Variants in TTBK2 observed in about 807,000 individuals in gnomAD.
TTBK2 encodes the protein tau-tubulin kinase 2.
In TTBK2, 28 loss-of-function variants were observed where a neutral mutation model predicts 110.8. The ratio of observed to expected loss-of-function variants is 0.25; its 90% CI spans 0.19 to 0.35. TTBK2 has a LOEUF of 0.35. Among genes scored for constraint, TTBK2 ranks in the 10% least tolerant of loss-of-function variants. The pLI, the probability that TTBK2 is intolerant of heterozygous loss-of-function variation, is 1.00. For missense variants in TTBK2, 1,369 were observed against 1,500.3 expected (o/e 0.91, Z 1.45); for synonymous variants, 532 against 527.3 (o/e 1.01, Z -0.12).
rs879921528 is a variant in TTBK2, at chr15:42,742,917, A to G, written c.*2878T>C. ...AAACACAACCAAACCAAATCAAACC[A>G]AAAACCTCATTCTCTGTATCATACT... On this transcript the variant is annotated 3_prime_UTR_variant, in exon 15 of 15. Coordinates refer to ENST00000267890, the MANE Select transcript of TTBK2 (RefSeq NM_173500.4). 10 of 152,186 alleles carry G rather than the reference A, an allele frequency of 6.6e-5. No individual in the cohort carries two copies. The highest frequency in any genetic ancestry group is 1.0e-4 in the Non-Finnish European group (7 of 68,030). 9.4% of individuals were successfully genotyped at this position (152,186 alleles called of 1,614,324 possible).
Position 42,753,203 on chromosome 15 carries a change from T to G in TTBK2, c.2043A>C (p.Ser681=), listed in dbSNP as rs769842511. 3.7e-6 allele frequency: 6 copies of G among 1,612,290 alleles called. No individual in the cohort carries two copies. The African/African-American group carries it at 8.0e-5, about 22-fold the overall frequency. The change falls in exon 14 of 15, where the codon TCA becomes TCC. Residue 681 remains serine (S), a synonymous_variant. Coordinates refer to ENST00000267890, the MANE Select transcript of TTBK2 (RefSeq NM_173500.4). ...GCTGCTGACCACAGTGAAAGCTTCC[T>G]GAAGTTGACTGTGTAGATGCCACAG... ...RPSVASTQST[S]GSFHCGQQPE...
In TTBK2 at chr15:42,745,935, A is replaced by G; in HGVS notation, c.3595T>C (p.Ser1199Pro). The G allele has an allele frequency of 2.5e-6, 4 of 1,613,934 alleles. No homozygotes were observed. The highest frequency in any genetic ancestry group is 3.4e-6 in the Non-Finnish European group (4 of 1,180,000). Reference protein sequence around the residue: ...KSPPSHSGSSSSRRSCQQEHC... With the variant: ...KSPPSHSGSSPSRRSCQQEHC... Reference sequence around the variant, plus strand: ...TCCTGTTGGCAGGACCTCCTGGAGGAGGAAGATCCTGAGTGGCTGGGAGGT... The same window carrying G: ...TCCTGTTGGCAGGACCTCCTGGAGGGGGAAGATCCTGAGTGGCTGGGAGGT... Residue 1199 changes from serine to proline, a missense_variant, in exon 15 of 15, where the codon TCC (serine) becomes CCC (proline). By Grantham distance (74) the Ser-to-Pro change is moderately conservative. This residue lies in a region of TTBK2 where 1,097 missense variants were observed against 1,114.7 expected (regional missense o/e 0.98). Transcript: ENST00000267890.
At chr15:42,758,743 T>C (rs551887639) in intron 13 of TTBK2, among the ~76,000 whole-genome samples, 1 of 151,600 alleles carries the variant, frequency 6.6e-6, no homozygotes, top group South Asian at 2.1e-4. Flanking sequence ...CAGATTGGGC[T>C]GGAGTCAGGA....
At chr15:42,880,250 A>G (rs1894988384) in intron 1 of TTBK2, among the ~76,000 whole-genome samples, 1 of 152,200 alleles carries the variant, frequency 6.6e-6, no homozygotes, top group Non-Finnish European at 1.5e-5. Context: ...CACTTCAGCA[A>G]GTCACCAGTC....
At chr15:42,845,168 GATAA>G (rs1159351578) in intron 3 of TTBK2, among the ~76,000 whole-genome samples, 2 of 152,120 alleles carry the variant, frequency 1.3e-5, no homozygotes, top group Non-Finnish European at 2.9e-5. Context: ...AAGTACATGT[GATAA>G]ATAATTAATA....
intron 1 of TTBK2, among the ~76,000 whole-genome samples, chr15:42,892,133 A>G (rs1231881791): frequency 2.0e-5 from 3 of 152,200 alleles, no homozygotes; most frequent in African/African-American, 7.2e-5. Context: ...AATCATACAT[A>G]CTATGCTCTC....
chr15:42,758,778 G>A (rs192836942), intron 13 of TTBK2, among the ~76,000 whole-genome samples: 15 of 152,154 alleles, frequency 9.9e-5, no homozygotes, highest in Admixed American at 9.8e-4. Flanking sequence ...TGGGAAAAAG[G>A]TAAGCAGAAC....
rs915637572 is a variant in TTBK2, at chr15:42,758,673, A to G, written c.1999-5426T>C. 5.5e-4 allele frequency among the ~76,000 whole-genome samples: 84 copies of G among 151,418 alleles called. 1 individual carries two copies. In the South Asian group the frequency reaches 0.017, roughly 31 times the overall value. On this transcript the variant is annotated intron_variant, in intron 13 of 14. Coordinates refer to ENST00000267890, the MANE Select transcript of TTBK2 (RefSeq NM_173500.4). ...CCATCTCAAAAAAAAAAAAAAAAAA[A>G]AAGAAGCCCAAGAAGGCAGCATGGA...
chr15:42,912,907 T>G (rs1168665925), intron 1 of TTBK2, among the ~76,000 whole-genome samples: 3 of 147,524 alleles, frequency 2.0e-5, no homozygotes, highest in Non-Finnish European at 3.0e-5. Flanking sequence ...AGGTGGATCA[T>G]GAGGTCAGGA....
rs2061973821 is a variant in TTBK2, at chr15:42,758,282, GAAGTT to G, written c.1999-5040_1999-5036del. Among the ~76,000 whole-genome samples, 8 of 152,272 alleles carry G rather than the reference GAAGTT, an allele frequency of 5.3e-5. No homozygotes were observed. The South Asian group carries it at 1.7e-3, about 32-fold the overall frequency. ...TACCTAATACAGCCTGGCCTATTAA[GAAGTT>G]AAATTTTAGCCATTCAAATTCTACC... On this transcript the variant is annotated intron_variant, in intron 13 of 14. Transcript: ENST00000267890.
chr15:42,857,033 C>A (rs1488349831), intron 3 of TTBK2, among the ~76,000 whole-genome samples: 1 of 151,696 alleles, frequency 6.6e-6, no homozygotes, highest in East Asian at 1.9e-4. Flanking sequence ...TGCACTCCAG[C>A]CTGGGCAACA....
chr15:42,905,550 C>G (rs1204385604), intron 1 of TTBK2, among the ~76,000 whole-genome samples: 4 of 152,154 alleles, frequency 2.6e-5, no homozygotes, highest in Admixed American at 6.5e-5. Flanking sequence ...AGCCACCATG[C>G]CCAGCCAGGA....
At chr15:42,838,757 A>C (rs1893098385) in intron 4 of TTBK2, among the ~76,000 whole-genome samples, 2 of 152,088 alleles carry the variant, frequency 1.3e-5, no homozygotes, top group African/African-American at 4.8e-5. Context: ...CGGAGGTTTC[A>C]GTGAGCCAAG....
At chr15:42,854,660 A>C (rs1459959253) in intron 3 of TTBK2, among the ~76,000 whole-genome samples, 4 of 152,060 alleles carry the variant, frequency 2.6e-5, no homozygotes, top group Admixed American at 6.5e-5. Context: ...AAAAAAAAAA[A>C]ACCTCAAATC....
At chr15:42,832,112 TTTG>T (rs1021063961) in intron 4 of TTBK2, among the ~76,000 whole-genome samples, 2 of 152,140 alleles carry the variant, frequency 1.3e-5, no homozygotes, top group Non-Finnish European at 2.9e-5. Flanking sequence ...TTAATGGAAA[TTTG>T]TTGTTCCCTG....
chr15:42,878,316 A>G (rs1182557892), intron 2 of TTBK2, among the ~76,000 whole-genome samples: 1 of 151,924 alleles, frequency 6.6e-6, no homozygotes, highest in African/African-American at 2.4e-5. Context: ...TATTTTTTTC[A>G]TCTGTTCAAA....
intron 4 of TTBK2, among the ~76,000 whole-genome samples, chr15:42,834,812 G>C (rs1261137603): frequency 1.3e-5 from 2 of 152,208 alleles, no homozygotes; most frequent in Admixed American, 1.3e-4. Flanking sequence ...AGGAGGTAGA[G>C]GTTGCAGGGA....
At chr15:42,860,278 CA>C (rs1215488248) in intron 3 of TTBK2, among the ~76,000 whole-genome samples, 1 of 151,784 alleles carries the variant, frequency 6.6e-6, no homozygotes, top group Non-Finnish European at 1.5e-5. Context: ...AACAAACAAA[CA>C]AACAAAAAAC....
intron 9 of TTBK2, among the ~76,000 whole-genome samples, chr15:42,803,742 G>C (rs1444777381): frequency 6.6e-6 from 1 of 152,130 alleles, no homozygotes; most frequent in Non-Finnish European, 1.5e-5. Flanking sequence ...AAAATGAGAT[G>C]ATTTTAGGCA....
Sources: gnomAD v4.1 joint callset for allele counts (sites outside exome capture counted in the v4.1 genomes callset) on GRCh38, gnomAD v4.1.1 for gene constraint, gnomAD v4.1.1 regional missense constraint, MANE v1.5 for transcripts, NCBI Gene and HGNC (gene_info 2026-07-23, HGNC 2026-07-21) for gene names.